Variants in KIAA1217 observed in about 807,000 individuals in gnomAD.
KIAA1217 encodes KIAA1217.
KIAA1217 carries 88 observed loss-of-function variants against 163.9 expected under a neutral mutation model. The observed-to-expected ratio is 0.54, with a 90% confidence interval of 0.45 to 0.64. KIAA1217 has a LOEUF of 0.64. Ranked by LOEUF, KIAA1217 falls within the 30% of genes least tolerant of loss-of-function variation. KIAA1217 has a pLI of 0.00. For synonymous variants in KIAA1217, 903 were observed against 923.1 expected (o/e 0.98, Z 0.39); for missense variants, 2,372 against 2,475.0 (o/e 0.96, Z 0.88).
At chr10:23,795,288 C>T (rs536800182) in intron 1 of KIAA1217, among the ~76,000 whole-genome samples, 1 of 152,310 alleles carries the variant, frequency 6.6e-6, no homozygotes, top group East Asian at 1.9e-4. Flanking sequence ...TTATGCCTCA[C>T]TAGTTCTCCC....
intron 1 of KIAA1217, among the ~76,000 whole-genome samples, chr10:23,851,250 G>A (rs2131096632): frequency 6.6e-6 from 1 of 152,184 alleles, no homozygotes. Context: ...ACCTATGAGT[G>A]AGAACATGCA....
chr10:24,191,639 A>G (rs1334968290), intron 2 of KIAA1217, among the ~76,000 whole-genome samples: 2 of 152,234 alleles, frequency 1.3e-5, no homozygotes, highest in Non-Finnish European at 2.9e-5. Context: ...AAAGCAACCC[A>G]GAATAGGATC....
chr10:23,963,130 A>G (rs554008923), intron 1 of KIAA1217, among the ~76,000 whole-genome samples: 1 of 152,256 alleles, frequency 6.6e-6, no homozygotes, highest in East Asian at 1.9e-4. Flanking sequence ...TTTTTTAAAT[A>G]CATATTTTAA....
chr10:24,043,950 C>T (rs1243706434), intron 2 of KIAA1217, among the ~76,000 whole-genome samples: 1 of 151,524 alleles, frequency 6.6e-6, no homozygotes, highest in Non-Finnish European at 1.5e-5. Flanking sequence ...GTATTAAAGT[C>T]CAAGATCAAT....
chr10:23,868,742 C>A (rs186075804), intron 1 of KIAA1217, among the ~76,000 whole-genome samples: 81 of 152,238 alleles, frequency 5.3e-4, no homozygotes, highest in Admixed American at 4.6e-3. Flanking sequence ...GGCTCTCAGG[C>A]CTGCTGCGTT....
At chr10:23,803,606 C>T (rs936160534) in intron 1 of KIAA1217, among the ~76,000 whole-genome samples, 4 of 152,206 alleles carry the variant, frequency 2.6e-5, no homozygotes, top group African/African-American at 4.8e-5. Context: ...CAGTGAACAT[C>T]GTGCAGATGC....
chr10:24,069,990 C>A (rs922886482), intron 2 of KIAA1217, among the ~76,000 whole-genome samples: 1 of 152,168 alleles, frequency 6.6e-6, no homozygotes, highest in Non-Finnish European at 1.5e-5. Flanking sequence ...CAGGTACACA[C>A]CACCACAAAT....
chr10:24,211,261 G>T (rs11013968), intron 1 of KIAA1217, among the ~76,000 whole-genome samples: 2,594 of 151,884 alleles, frequency 0.017, 73 homozygotes, highest in African/African-American at 0.059. Context: ...AAGAGATTGA[G>T]AGGTAATCCC....
chr10:24,199,103 T>G (rs1589869047), intron 2 of KIAA1217, among the ~76,000 whole-genome samples: 3 of 152,116 alleles, frequency 2.0e-5, no homozygotes, highest in East Asian at 3.9e-4. Flanking sequence ...GCACCTGTAG[T>G]CCCAGATACT....
chr10:23,888,811 C>T (rs1021696321), intron 1 of KIAA1217, among the ~76,000 whole-genome samples: 1 of 151,982 alleles, frequency 6.6e-6, no homozygotes, highest in African/African-American at 2.4e-5. Flanking sequence ...ACATTTCCTT[C>T]ATCCAGAAAG....
intron 2 of KIAA1217, among the ~76,000 whole-genome samples, chr10:24,320,630 AT>A: frequency 6.6e-6 from 1 of 152,302 alleles, no homozygotes; most frequent in Non-Finnish European, 1.5e-5. Flanking sequence ...AAACACTGTC[AT>A]TTTTACTGTT....
intron 2 of KIAA1217, among the ~76,000 whole-genome samples, chr10:24,320,363 C>T (rs1033162912): frequency 6.6e-6 from 1 of 152,202 alleles, no homozygotes; most frequent in African/African-American, 2.4e-5. Flanking sequence ...TTACTTTCTC[C>T]GCAGTCTGTT....
intron 2 of KIAA1217, among the ~76,000 whole-genome samples, chr10:24,246,081 C>G (rs2073770583): frequency 6.6e-6 from 1 of 152,166 alleles, no homozygotes; most frequent in Non-Finnish European, 1.5e-5. Context: ...CTCCGTTCAT[C>G]TTTAACTTAT....
chr10:24,217,085 A>G (rs2068936886), intron 1 of KIAA1217, among the ~76,000 whole-genome samples: 1 of 150,960 alleles, frequency 6.6e-6, no homozygotes, highest in South Asian at 2.1e-4. Flanking sequence ...CAAGTATACA[A>G]CAATTTTGGC....
chr10:24,404,392 C>A (rs981343741), intron 3 of KIAA1217, among the ~76,000 whole-genome samples: 8 of 151,874 alleles, frequency 5.3e-5, no homozygotes, highest in African/African-American at 1.9e-4. Context: ...CATGGTGAAA[C>A]CCTGTCTCTA....
intron 1 of KIAA1217, among the ~76,000 whole-genome samples, chr10:23,897,812 G>A (rs1409228053): frequency 6.6e-6 from 1 of 151,212 alleles, no homozygotes; most frequent in African/African-American, 2.5e-5. Context: ...TATATAAAAT[G>A]TAAATCTTCC....
intron 1 of KIAA1217, among the ~76,000 whole-genome samples, chr10:23,947,392 T>TC (rs1315705732): frequency 6.6e-6 from 1 of 152,322 alleles, no homozygotes; most frequent in African/African-American, 2.4e-5. Context: ...TTAGCCAATT[T>TC]CCCATTTCTT....
At chr10:23,758,682 CTTTCT>C (rs1356509316) in intron 1 of KIAA1217, among the ~76,000 whole-genome samples, 1 of 31,008 alleles carries the variant, frequency 3.2e-5, no homozygotes, top group African/African-American at 1.5e-4. Context: ...TTCTTTCTTT[CTTTCT>C]TTTTTTTTTT....
intron 10 of KIAA1217, among the ~76,000 whole-genome samples, chr10:24,517,617 A>G (rs1345274183): frequency 1.3e-5 from 2 of 152,154 alleles, no homozygotes; most frequent in South Asian, 2.1e-4. Context: ...AAGTACTAGA[A>G]TATAAGTCTC....
Sources: allele counts gnomAD v4.1 joint callset (sites outside exome capture counted in the v4.1 genomes callset), GRCh38; gene constraint gnomAD v4.1.1; transcripts MANE v1.5; gene names NCBI Gene and HGNC (gene_info 2026-07-23, HGNC 2026-07-21).